The following TMEM156 variants were observed in gnomAD, a reference collection of about 807,000 sequenced individuals.
The protein encoded by TMEM156 is transmembrane protein 156.
A neutral mutation model predicts 30.5 loss-of-function variants in TMEM156; 28 were observed. That is an observed-to-expected ratio of 0.92 (90% CI 0.68 to 1.26). TMEM156 has a LOEUF of 1.26. TMEM156 is among the 50% of genes most tolerant of loss of function. TMEM156 has a pLI of 0.00. For synonymous variants in TMEM156, 137 were observed against 119.9 expected (o/e 1.14, Z -0.93); for missense variants, 351 against 340.6 (o/e 1.03, Z -0.24).
chr4:39,017,695 G>A (rs1342683308), intron 1 of TMEM156, among the ~76,000 whole-genome samples: 1 of 151,900 alleles, frequency 6.6e-6, no homozygotes, highest in Non-Finnish European at 1.5e-5. Context: ...TCTTTGTTGG[G>A]GCATATAAAT....
At chr4:38,971,382 A>G (rs1722589691) in intron 5 of TMEM156, among the ~76,000 whole-genome samples, 1 of 152,234 alleles carries the variant, frequency 6.6e-6, no homozygotes. Context: ...AACGTAGAGA[A>G]CAAATTTAAA....
chr4:38,994,406 G>A (rs908901971), intron 2 of TMEM156, among the ~76,000 whole-genome samples: 1 of 152,100 alleles, frequency 6.6e-6, no homozygotes, highest in Admixed American at 6.6e-5. Context: ...GATTACAGGC[G>A]TGAGCCACTG....
intron 5 of TMEM156, among the ~76,000 whole-genome samples, chr4:38,980,047 G>A (rs1407972428): frequency 6.6e-6 from 1 of 152,090 alleles, no homozygotes; most frequent in Non-Finnish European, 1.5e-5. Context: ...GTTATTCAAG[G>A]TGCCAACTTC....
chr4:38,973,716 T>G (rs1329125194), intron 5 of TMEM156, among the ~76,000 whole-genome samples: 1 of 152,206 alleles, frequency 6.6e-6, no homozygotes, highest in African/African-American at 2.4e-5. Flanking sequence ...TGACTAGTAC[T>G]TCCAATACAA....
intron 1 of TMEM156, among the ~76,000 whole-genome samples, chr4:39,006,456 G>T (rs982002652): frequency 1.2e-4 from 18 of 150,720 alleles, no homozygotes; most frequent in Admixed American, 3.3e-4. Context: ...TATTTTTTTT[G>T]ATCTTTCAGT....
intron 3 of TMEM156, among the ~76,000 whole-genome samples, chr4:38,993,399 T>C (rs558441909): frequency 1.1e-4 from 17 of 151,754 alleles, no homozygotes; most frequent in African/African-American, 3.9e-4. Flanking sequence ...GTCACTGCAC[T>C]CCAGCCTGGG....
intron 5 of TMEM156, among the ~76,000 whole-genome samples, chr4:38,984,780 A>C (rs1362355944): frequency 6.7e-6 from 1 of 150,260 alleles, no homozygotes; most frequent in Non-Finnish European, 1.5e-5. Flanking sequence ...CTTGGTTTTA[A>C]AAAGGCCATC....
intron 3 of TMEM156, among the ~76,000 whole-genome samples, chr4:38,993,097 A>G (rs1480802439): frequency 6.6e-6 from 1 of 151,742 alleles, no homozygotes; most frequent in South Asian, 2.1e-4. Context: ...TCCCTTTAGT[A>G]CACAAATATG....
chr4:39,014,597 A>G (rs1714356152), intron 1 of TMEM156, among the ~76,000 whole-genome samples: 1 of 152,026 alleles, frequency 6.6e-6, no homozygotes, highest in African/African-American at 2.4e-5. Context: ...TGTCTCTAAT[A>G]AAAATACAAA....
At chr4:39,018,088 AT>A (rs1380501741) in intron 1 of TMEM156, among the ~76,000 whole-genome samples, 1 of 151,866 alleles carries the variant, frequency 6.6e-6, no homozygotes. Context: ...TGTTAAATTG[AT>A]TCAGTGATTT....
intron 4 of TMEM156, among the ~76,000 whole-genome samples, chr4:38,987,924 C>G (rs1487872350): frequency 6.6e-6 from 1 of 152,092 alleles, no homozygotes; most frequent in African/African-American, 2.4e-5. Flanking sequence ...TATGAATTGT[C>G]CATTGGGCCT....
chr4:39,015,318 C>T lies in TMEM156; in HGVS notation c.89-16409G>A, dbSNP rs958186982. 2.6e-5 allele frequency among the ~76,000 whole-genome samples: 4 copies of T among 152,210 alleles called. No homozygotes were observed. In the South Asian group the frequency reaches 6.2e-4, roughly 24 times the overall value. The stretch of plus-strand genomic sequence containing the variant: ...GAATTCAGGTTGTTAATCAGCTGAT[C>T]TTAAAATGAAGAAATTATCCTGGAT... On this transcript the variant is annotated intron_variant, in intron 1 of 6. Transcript: ENST00000381938.
At chr4:38,979,105 G>C (rs1236806279) in intron 5 of TMEM156, among the ~76,000 whole-genome samples, 1 of 152,212 alleles carries the variant, frequency 6.6e-6, no homozygotes, top group Non-Finnish European at 1.5e-5. Flanking sequence ...TAATGCACTG[G>C]CCTTGAGGTT....
At chr4:39,024,911 T>C (rs1274577223) in intron 1 of TMEM156, among the ~76,000 whole-genome samples, 1 of 152,230 alleles carries the variant, frequency 6.6e-6, no homozygotes, top group African/African-American at 2.4e-5. Context: ...ATCTTTCACA[T>C]TATTAGTTAT....
chr4:38,997,985 G>C (rs995454112), intron 2 of TMEM156, among the ~76,000 whole-genome samples: 1 of 152,298 alleles, frequency 6.6e-6, no homozygotes, highest in East Asian at 1.9e-4. Flanking sequence ...TGATTCCTTA[G>C]AGAATCAAAG....
At chr4:39,026,950 T>A (rs1000528485) in intron 1 of TMEM156, among the ~76,000 whole-genome samples, 31 of 151,998 alleles carry the variant, frequency 2.0e-4, no homozygotes, top group Middle Eastern at 3.2e-3. Context: ...TAAATAAAAA[T>A]TTTTAAAAAG....
chr4:38,969,170 G>C (rs1350655975), intron 6 of TMEM156, among the ~76,000 whole-genome samples: 1 of 152,118 alleles, frequency 6.6e-6, no homozygotes, highest in Non-Finnish European at 1.5e-5. Flanking sequence ...CCTTCTATCT[G>C]ACTGTACATT....
At chr4:39,028,312 G>T (rs916723801) in intron 1 of TMEM156, 1 of 152,048 alleles carries the variant, frequency 6.6e-6, no homozygotes, top group Non-Finnish European at 1.5e-5. Flanking sequence ...TTTAATAATC[G>T]TCATCATTTC....
At chr4:38,988,063 C>A (rs1182565113) in intron 4 of TMEM156, among the ~76,000 whole-genome samples, 2 of 152,044 alleles carry the variant, frequency 1.3e-5, no homozygotes, top group Non-Finnish European at 2.9e-5. Flanking sequence ...CTAGGTCATA[C>A]GAGTTATTAA....
Sources: gnomAD v4.1 joint callset for allele counts (sites outside exome capture counted in the v4.1 genomes callset) on GRCh38, gnomAD v4.1.1 for gene constraint, MANE v1.5 for transcripts, NCBI Gene and HGNC (gene_info 2026-07-23, HGNC 2026-07-21) for gene names.